The following FIGN variants were observed in gnomAD, a reference collection of about 807,000 sequenced individuals.
FIGN encodes fidgetin.
In FIGN, 11 loss-of-function variants were observed where a neutral mutation model predicts 51.3. The observed-to-expected ratio is 0.21, with a 90% CI of 0.13 to 0.35. The LOEUF (loss-of-function observed/expected upper bound fraction) is 0.35. Ranked by LOEUF, FIGN falls within the 10% of genes least tolerant of loss-of-function variation. The pLI is 1.00. For synonymous variants in FIGN, 407 were observed against 363.2 expected, an observed-to-expected ratio of 1.12 and a Z score of -1.37; for missense variants, 857 against 943.6, an observed-to-expected ratio of 0.91 and a Z score of 1.20.
At chr2:163,731,406 C>T (rs985743825) in intron 2 of FIGN, among the ~76,000 whole-genome samples, 4 of 152,084 alleles carry the variant, frequency 2.6e-5, no homozygotes, top group African/African-American at 9.7e-5. Context: ...TTTCTTCTCT[C>T]TGGTTACACT....
chr2:163,677,486 G>T (rs909056783), intron 2 of FIGN, among the ~76,000 whole-genome samples: 6 of 152,200 alleles, frequency 3.9e-5, no homozygotes, highest in African/African-American at 1.2e-4. Context: ...CTGCAAATTA[G>T]GAACTGAATC....
chr2:163,720,497 T>G (rs1475053851), intron 2 of FIGN, among the ~76,000 whole-genome samples: 2 of 152,216 alleles, frequency 1.3e-5, no homozygotes, highest in African/African-American at 4.8e-5. Flanking sequence ...CAAGCCATTT[T>G]AGGGTAAACT....
rs1275987802 is a variant in FIGN at position 163,734,939 on chromosome 2, A to T, written c.-12T>A. ...GTGCTACTGATCATTTCTTGCTGGC[A>T]GCACAAAAAGCTGAATTGGATTTCT... is the stretch of plus-strand genomic sequence containing the variant. On this transcript the variant is annotated 5_prime_UTR_variant, in exon 2 of 3. Transcript: ENST00000333129. The T allele has an allele frequency of 2.5e-6, 4 of 1,611,586 alleles. No individual in the cohort carries two copies. In the Admixed American group the frequency reaches 6.7e-5, roughly 27 times the overall value.
At position 163,603,849 on chromosome 2, in the gene FIGN, G is replaced by T. The variant is rs1298502493; in HGVS notation, c.*5703C>A. ...GCTACTGTAATATAGAGCTGGTGAAGAAAAAGAACGAATGCTAAAATAAAT... is the reference window on the plus strand; with the variant it reads ...GCTACTGTAATATAGAGCTGGTGAATAAAAAGAACGAATGCTAAAATAAAT... On this transcript the variant is annotated 3_prime_UTR_variant, in exon 3 of 3. Transcript: ENST00000333129. 6.6e-6 allele frequency: 1 copy of T among 152,004 alleles called. No individual in the cohort carries two copies. Among genetic ancestry groups the T allele is most frequent in the African/African-American group, 2.4e-5 (1 of 41,418 alleles). 9.4% of individuals were successfully genotyped at this position (152,004 alleles called of 1,614,324 possible). A position where few individuals can be genotyped will look rare whatever the true frequency, so the allele number is the denominator to read the frequency against.
chr2:163,613,922 A>G (rs72867751), intron 2 of FIGN, among the ~76,000 whole-genome samples: 2 of 152,294 alleles, frequency 1.3e-5, no homozygotes, highest in Non-Finnish European at 2.9e-5. Flanking sequence ...CAACCTAAAT[A>G]TATGTATATA....
chr2:163,735,404 C>T (rs1684999478), intron 1 of FIGN, among the ~76,000 whole-genome samples: 1 of 152,136 alleles, frequency 6.6e-6, no homozygotes, highest in African/African-American at 2.4e-5. Context: ...GTAATTTAAC[C>T]TCAACTTTTT....
intron 2 of FIGN, among the ~76,000 whole-genome samples, chr2:163,646,338 C>T (rs1683381895): frequency 1.3e-5 from 2 of 152,064 alleles, no homozygotes. Context: ...TGCCATGTCA[C>T]TAAGCTCTAA....
rs760613372 is a variant in FIGN at position 163,610,374 on chromosome 2, A to G, written c.1458T>C (p.Asn486=). ...IITQGPPVDW[N]DIAGLDLVKA... Reference sequence around the variant, plus strand: ...TCACCAGGTCGAGACCAGCAATGTCATTCCAGTCCACTGGAGGTCCTTGGG... The same window carrying G: ...TCACCAGGTCGAGACCAGCAATGTCGTTCCAGTCCACTGGAGGTCCTTGGG... Residue 486 remains asparagine, a synonymous_variant, in exon 3 of 3, where the codon AAT becomes AAC. Transcript: ENST00000333129. 1 of 1,614,126 alleles carries G rather than the reference A, an allele frequency of 6.2e-7. No individual in the cohort carries two copies. Among genetic ancestry groups the G allele is most frequent in the South Asian group, 1.1e-5 (1 of 91,080 alleles).
intron 2 of FIGN, among the ~76,000 whole-genome samples, chr2:163,660,064 G>A (rs1683625959): frequency 6.6e-6 from 1 of 151,726 alleles, no homozygotes; most frequent in Admixed American, 6.6e-5. Context: ...TTGCATCACT[G>A]CACTCCAGCC....
rs570784950 is a variant in FIGN, at chr2:163,703,196, T to A, written c.25+31707A>T. On this transcript the variant is annotated intron_variant, in intron 2 of 2. Transcript: ENST00000333129. Reference sequence around the variant, plus strand: ...GAGAGAGGTTAAATACTTTAATTACTAACTTGCAAAAAGATTTCCATTTGA... The same window carrying A: ...GAGAGAGGTTAAATACTTTAATTACAAACTTGCAAAAAGATTTCCATTTGA... Among the ~76,000 whole-genome samples the A allele has an allele frequency of 2.3e-3, 348 of 152,168 alleles. 2 individuals are homozygous for A. The highest frequency in any genetic ancestry group is 8.2e-3 in the African/African-American group (339 of 41,538).
At chr2:163,689,652 T>C (rs561968165) in intron 2 of FIGN, among the ~76,000 whole-genome samples, 2 of 152,298 alleles carry the variant, frequency 1.3e-5, no homozygotes, top group East Asian at 3.9e-4. Flanking sequence ...TATTTATTGC[T>C]ACATGTTTTA....
At chr2:163,683,944 C>T (rs1017274227) in intron 2 of FIGN, among the ~76,000 whole-genome samples, 1 of 152,072 alleles carries the variant, frequency 6.6e-6, no homozygotes, top group African/African-American at 2.4e-5. Context: ...CAAAGTTATA[C>T]ATAATATGAT....
chr2:163,651,267 C>T (rs906228733), intron 2 of FIGN, among the ~76,000 whole-genome samples: 1 of 152,060 alleles, frequency 6.6e-6, no homozygotes, highest in Non-Finnish European at 1.5e-5. Flanking sequence ...TTGAGACTAT[C>T]CTGGCTAACA....
intron 2 of FIGN, 129 bp from the exon 3 acceptor site, chr2:163,611,935 C>T: frequency 1.5e-6 from 1 of 678,690 alleles, no homozygotes; most frequent in Non-Finnish European, 2.5e-6. Context: ...AAGATCTACA[C>T]TGTTTATAAT....
intron 2 of FIGN, chr2:163,612,391 T>A (rs1190271750): frequency 6.1e-6 from 6 of 985,268 alleles, no homozygotes. Context: ...CAGAACAATA[T>A]GACACAGACA....
At chr2:163,693,968 G>T (rs10194373) in intron 2 of FIGN, among the ~76,000 whole-genome samples, 5,175 of 152,214 alleles carry the variant, frequency 0.034, 260 homozygotes, top group African/African-American at 0.11. Flanking sequence ...GTACTTCTCA[G>T]CCTTTCTTTT....
At chr2:163,695,092 A>G (rs905830436) in intron 2 of FIGN, among the ~76,000 whole-genome samples, 11 of 152,034 alleles carry the variant, frequency 7.2e-5, no homozygotes, top group Non-Finnish European at 1.5e-5. Flanking sequence ...TCTGACATTA[A>G]CTGTCAATTT....
Position 163,735,859 on chromosome 2 carries a change from C to T in FIGN, c.-167G>A, listed in dbSNP as rs12469383. On this transcript the variant is annotated 5_prime_UTR_variant, in exon 1 of 3. Coordinates refer to ENST00000333129, the MANE Select transcript of FIGN (RefSeq NM_018086.4). ...TTACCTGAACGCGCGGAGAGAGAAC[C>T]CGATAGGTTAGCGTAGCATCGATCC... 0.085 allele frequency: 12,916 copies of T among 152,674 alleles called. 692 individuals carry two copies. Among genetic ancestry groups the T allele is most frequent in the Admixed American group, 0.11 (1,750 of 15,292 alleles). The allele number at this position is 152,674 out of a possible 1,614,324, so 9.5% of individuals were successfully genotyped here. A position where few individuals can be genotyped will look rare whatever the true frequency, so the allele number is the denominator to read the frequency against.
intron 2 of FIGN, among the ~76,000 whole-genome samples, chr2:163,670,508 A>T (rs547474694): frequency 6.6e-6 from 1 of 152,212 alleles, no homozygotes; most frequent in South Asian, 2.1e-4. Flanking sequence ...TCACATTCAA[A>T]TTCTAATTAT....
Sources: allele counts gnomAD v4.1 joint callset (sites outside exome capture counted in the v4.1 genomes callset), GRCh38; gene constraint gnomAD v4.1.1; transcripts MANE v1.5; gene names NCBI Gene and HGNC (gene_info 2026-07-23, HGNC 2026-07-21).